PLPP7: variants seen among roughly 807,000 people sequenced by gnomAD.
PLPP7 encodes phospholipid phosphatase 7 (inactive).
Under a neutral mutation model 16.9 loss-of-function variants are expected in PLPP7, and 11 were observed. The ratio of observed to expected loss-of-function variants is 0.65; its 90% CI spans 0.41 to 1.08. The LOEUF is 1.08. Ranked by LOEUF, PLPP7 falls within the 50% of genes least tolerant of loss-of-function variation. The pLI is 0.00. For synonymous variants in PLPP7, 174 were observed against 175.1 expected, an observed-to-expected ratio of 0.99 and a Z score of 0.05; for missense variants, 358 against 397.1, an observed-to-expected ratio of 0.90 and a Z score of 0.84.
Position 131,290,074 on chromosome 9 carries a change from A to G in PLPP7, c.77A>G (p.Asn26Ser), listed in dbSNP as rs779591520. 52 of 1,498,512 alleles carry G rather than the reference A, an allele frequency of 3.5e-5. No homozygotes were observed. Among genetic ancestry groups the G allele is most frequent in the Non-Finnish European group, 4.5e-5 (51 of 1,126,754 alleles). The allele number at this position is 1,498,512 out of a possible 1,614,324, so 92.8% of individuals were successfully genotyped here. A position where few individuals can be genotyped will look rare whatever the true frequency, so the allele number is the denominator to read the frequency against. ...VLNRAEFLSL[N>S]QPPKGGPEPR... The stretch of plus-strand genomic sequence containing the variant: ...AACCGGGCTGAGTTCCTGTCCCTGA[A>G]CCAGCCCCCCAAGGGGGGCCCGGAG... Residue 26 changes from asparagine (N) to serine (S), a missense_variant, in exon 1 of 2, where the codon AAC (asparagine) becomes AGC (serine). Asn to Ser is a conservative substitution (Grantham distance 46, BLOSUM62 1). Coordinates refer to ENST00000372264, the MANE Select transcript of PLPP7 (RefSeq NM_032728.4). This position sits in a 1 kb window ranked among gnomAD's most constrained non-coding sequence, Gnocchi z 4.2.
At chr9:131,307,819 G>A in intron 1 of PLPP7, 104 bp from the exon 2 acceptor site, 1 of 1,229,866 alleles carries the variant, frequency 8.1e-7, no homozygotes, top group South Asian at 1.6e-5. Flanking sequence ...TGAGTGGCCT[G>A]AGTGAGGAGC....
At chr9:131,297,299 G>T (rs149103573) in intron 1 of PLPP7, among the ~76,000 whole-genome samples, 1 of 152,156 alleles carries the variant, frequency 6.6e-6, no homozygotes. Context: ...AATAACCAGC[G>T]CCATCAGTCT....
intron 1 of PLPP7, among the ~76,000 whole-genome samples, chr9:131,294,792 C>T (rs980330096): frequency 5.3e-5 from 8 of 151,766 alleles, no homozygotes; most frequent in African/African-American, 1.9e-4. Flanking sequence ...AACATGGTTT[C>T]GTTATGTTGG....
rs1835880987 is a variant in PLPP7 at position 131,308,403 on chromosome 9, C to T, written c.*116C>T. 7.1e-7 allele frequency: 1 copy of T among 1,412,780 alleles called. No individual in the cohort carries two copies. Among genetic ancestry groups the T allele is most frequent in the Admixed American group, 2.8e-5 (1 of 36,290 alleles). The allele number at this position is 1,412,780 out of a possible 1,614,324, so 87.5% of individuals were successfully genotyped here. On this transcript the variant is annotated 3_prime_UTR_variant, in exon 2 of 2. Coordinates refer to ENST00000372264, the MANE Select transcript of PLPP7 (RefSeq NM_032728.4). ...GAGCGGCCAGGAGTCAGAGCGGCCA[C>T]CCCCACCTCATCTTCCCCTCCTGGC...
chr9:131,300,788 G>C (rs771113911), intron 1 of PLPP7, among the ~76,000 whole-genome samples: 14 of 151,736 alleles, frequency 9.2e-5, no homozygotes, highest in Non-Finnish European at 2.1e-4. Flanking sequence ...GGCATGTGGG[G>C]AGGTTGAGGC....
chr9:131,298,575 A>G (rs1466395260), intron 1 of PLPP7, among the ~76,000 whole-genome samples: 2 of 152,122 alleles, frequency 1.3e-5, no homozygotes, highest in Non-Finnish European at 2.9e-5. Context: ...CTCAGGGGGA[A>G]AGCAGCCCAA....
chr9:131,294,359 G>A (rs941667249), intron 1 of PLPP7, among the ~76,000 whole-genome samples: 3 of 152,154 alleles, frequency 2.0e-5, no homozygotes, highest in Non-Finnish European at 4.4e-5. Flanking sequence ...GTTGGTTAAC[G>A]GTTAAGTAGC....
At position 131,308,216 on chromosome 9, in the gene PLPP7, C is replaced by T; in HGVS notation, c.745C>T (p.Leu249Phe). 6.3e-7 allele frequency: 1 copy of T among 1,599,766 alleles called. No individual in the cohort carries two copies. The highest frequency in any genetic ancestry group is 8.5e-7 in the Non-Finnish European group (1 of 1,179,822). Residue 249 changes from leucine to phenylalanine, a missense_variant, in exon 2 of 2, where the codon CTC becomes TTC. Physicochemically the swap from Leu to Phe is conservative, Grantham distance 22. Coordinates refer to ENST00000372264, the MANE Select transcript of PLPP7 (RefSeq NM_032728.4). Reference sequence around the variant, plus strand: ...CCTCTCCGGCTTTGTCATCGGCTACCTCCAGTTCCGTCTGGTGGAGCTGGT... The same window carrying T: ...CCTCTCCGGCTTTGTCATCGGCTACTTCCAGTTCCGTCTGGTGGAGCTGGT... Reference protein sequence around the residue: ...DVLSGFVIGYLQFRLVELVWM... With the variant: ...DVLSGFVIGYFQFRLVELVWM...
intron 1 of PLPP7, among the ~76,000 whole-genome samples, chr9:131,301,189 G>C (rs1161240234): frequency 1.3e-5 from 2 of 152,062 alleles, no homozygotes; most frequent in Non-Finnish European, 2.9e-5. Context: ...GGCTGGTCTC[G>C]AACTCCTGAC....
chr9:131,296,237 G>A (rs1219378670), intron 1 of PLPP7, among the ~76,000 whole-genome samples: 1 of 152,088 alleles, frequency 6.6e-6, no homozygotes, highest in Non-Finnish European at 1.5e-5. Flanking sequence ...GGTATTTTTT[G>A]TTTGTTTTTT....
Position 131,289,955 on chromosome 9 carries a change from G to A in PLPP7, c.-43G>A, listed in dbSNP as rs777347825. On this transcript the variant is annotated 5_prime_UTR_variant, in exon 1 of 2. Coordinates refer to ENST00000372264, the MANE Select transcript of PLPP7 (RefSeq NM_032728.4). Reference sequence around the variant, plus strand: ...CTTGTCTTCGGGGAGAAGGCCCTTGGAGCCGGGCTGGCATCGGCCTTCTCG... The same window carrying A: ...CTTGTCTTCGGGGAGAAGGCCCTTGAAGCCGGGCTGGCATCGGCCTTCTCG... 2 of 1,374,890 alleles carry A rather than the reference G, an allele frequency of 1.5e-6. No homozygotes were observed. The highest frequency in any genetic ancestry group is 1.9e-6 in the Non-Finnish European group (2 of 1,066,660). The allele number at this position is 1,374,890 out of a possible 1,614,324, so 85.2% of individuals were successfully genotyped here.
At chr9:131,298,979 G>A (rs995445205) in intron 1 of PLPP7, among the ~76,000 whole-genome samples, 4 of 152,208 alleles carry the variant, frequency 2.6e-5, no homozygotes, top group East Asian at 1.9e-4. Context: ...TGGTTGGGAC[G>A]GAAGAGCGTG....
chr9:131,299,290 C>G (rs1835769370), intron 1 of PLPP7, among the ~76,000 whole-genome samples: 1 of 152,194 alleles, frequency 6.6e-6, no homozygotes, highest in Non-Finnish European at 1.5e-5. Context: ...CCCACCAGCT[C>G]CCCGGCTCTT....
chr9:131,302,110 C>A (rs542794769), intron 1 of PLPP7, among the ~76,000 whole-genome samples: 1 of 152,244 alleles, frequency 6.6e-6, no homozygotes, highest in East Asian at 1.9e-4. Context: ...TGAGCCACTG[C>A]GCCCGGCCAG....
At chr9:131,303,587 A>G (rs758938716) in intron 1 of PLPP7, among the ~76,000 whole-genome samples, 1 of 151,488 alleles carries the variant, frequency 6.6e-6, no homozygotes, top group Non-Finnish European at 1.5e-5. Flanking sequence ...ATCTGGCTGC[A>G]CTGAACTGTC....
At chr9:131,298,168 A>C (rs1344019336) in intron 1 of PLPP7, among the ~76,000 whole-genome samples, 1 of 152,102 alleles carries the variant, frequency 6.6e-6, no homozygotes, top group Non-Finnish European at 1.5e-5. Context: ...TCCCAAGGAG[A>C]TATTCCTGCA....
Position 131,308,623 on chromosome 9 carries a change from C to T in PLPP7, c.*336C>T, listed in dbSNP as rs1162902498. Reference sequence around the variant, plus strand: ...TGGGAGGGGCCGAGTCTTGTCTTGTCCTTTCATCATCATGACTGTTGAGTT... The same window carrying T: ...TGGGAGGGGCCGAGTCTTGTCTTGTTCTTTCATCATCATGACTGTTGAGTT... On this transcript the variant is annotated 3_prime_UTR_variant, in exon 2 of 2. Transcript: ENST00000372264. The T allele has an allele frequency of 3.0e-6, 1 of 334,138 alleles. No individual in the cohort carries two copies. The highest frequency in any genetic ancestry group is 2.1e-5 in the African/African-American group (1 of 47,174). 20.7% of individuals were successfully genotyped at this position (334,138 alleles called of 1,614,324 possible). A position where few individuals can be genotyped will look rare whatever the true frequency, so the allele number is the denominator to read the frequency against.
At chr9:131,291,709 G>C (rs1835680411) in intron 1 of PLPP7, among the ~76,000 whole-genome samples, 1 of 151,968 alleles carries the variant, frequency 6.6e-6, no homozygotes, top group Non-Finnish European at 1.5e-5. Context: ...AGCCTCCCAA[G>C]TAGCTGGGAT....
chr9:131,304,974 A>C (rs1315567998), intron 1 of PLPP7, among the ~76,000 whole-genome samples: 3 of 151,838 alleles, frequency 2.0e-5, no homozygotes, highest in Non-Finnish European at 4.4e-5. Flanking sequence ...ACATTCCAGA[A>C]AGCAAGAGCC....
Sources: allele counts gnomAD v4.1 joint callset (sites outside exome capture counted in the v4.1 genomes callset), GRCh38; gene constraint gnomAD v4.1.1; non-coding constraint Gnocchi (gnomAD v3.1); transcripts MANE v1.5; gene names NCBI Gene and HGNC (gene_info 2026-07-23, HGNC 2026-07-21).